FUT9: variants seen among roughly 807,000 people sequenced by gnomAD.
FUT9 encodes the protein fucosyltransferase 9, also known as 4-galactosyl-N-acetylglucosaminide 3-alpha-L-fucosyltransferase 9.
A neutral mutation model predicts 29.7 loss-of-function variants in FUT9; 15 were observed. That is an observed-to-expected ratio of 0.51 (90% CI 0.34 to 0.78). FUT9 has a LOEUF of 0.78. Ranked by LOEUF, FUT9 falls within the 30% of genes least tolerant of loss-of-function variation. FUT9 has a pLI of 0.01. For synonymous variants in FUT9, 169 were observed against 153.7 expected (o/e 1.10, Z -0.74); for missense variants, 319 against 425.4 (o/e 0.75, Z 2.20).
chr6:96,081,270 C>T (rs1771233079), intron 1 of FUT9, among the ~76,000 whole-genome samples: 2 of 150,566 alleles, frequency 1.3e-5, no homozygotes, highest in African/African-American at 2.5e-5. Context: ...CAATGATTCA[C>T]ATGTTCTTCA....
At chr6:96,060,808 G>A (rs1164941995) in intron 1 of FUT9, among the ~76,000 whole-genome samples, 1 of 152,150 alleles carries the variant, frequency 6.6e-6, no homozygotes, top group Non-Finnish European at 1.5e-5. Context: ...AAAGTGCTGG[G>A]ATTACAGGCG....
At chr6:96,104,115 A>G (rs1771636096) in intron 1 of FUT9, among the ~76,000 whole-genome samples, 1 of 152,202 alleles carries the variant, frequency 6.6e-6, no homozygotes, top group Non-Finnish European at 1.5e-5. Flanking sequence ...AAATGTACTG[A>G]ATAATGTACA....
rs531475921 is a variant in FUT9 at position 96,142,832 on chromosome 6, T to G, written c.-9+28705T>G. 2.6e-5 allele frequency among the ~76,000 whole-genome samples: 4 copies of G among 152,220 alleles called. No homozygotes were observed. In the South Asian group the frequency reaches 6.2e-4, roughly 24 times the overall value. ...GCATTTTATGCTAATATAGGTTTCT[T>G]ATTTTTTTAACCCAAGAAAGAGCAT... On this transcript the variant is annotated intron_variant, in intron 2 of 2. Coordinates refer to ENST00000302103, the MANE Select transcript of FUT9 (RefSeq NM_006581.4).
intron 2 of FUT9, among the ~76,000 whole-genome samples, chr6:96,197,556 G>A (rs961281468): frequency 2.0e-5 from 3 of 152,082 alleles, no homozygotes; most frequent in African/African-American, 7.2e-5. Context: ...CTAAAGTTCT[G>A]TTCAAATGGT....
chr6:96,110,678 T>C, intron 1 of FUT9, among the ~76,000 whole-genome samples: 1 of 150,674 alleles, frequency 6.6e-6, no homozygotes, highest in Non-Finnish European at 1.5e-5. Context: ...CTATTGTGCA[T>C]TTTTTAAGGG....
chr6:96,088,086 C>T (rs1241818000), intron 1 of FUT9, among the ~76,000 whole-genome samples: 1 of 151,940 alleles, frequency 6.6e-6, no homozygotes, highest in Non-Finnish European at 1.5e-5. Flanking sequence ...TCTTTATTTC[C>T]TATATTACAT....
chr6:96,103,733 C>T (rs1459142179), intron 1 of FUT9, among the ~76,000 whole-genome samples: 1 of 152,096 alleles, frequency 6.6e-6, no homozygotes, highest in Non-Finnish European at 1.5e-5. Context: ...CTAACCCTGT[C>T]CAGTGTGATT....
intron 2 of FUT9, among the ~76,000 whole-genome samples, chr6:96,192,137 T>C (rs1484566181): frequency 2.0e-5 from 3 of 152,060 alleles, no homozygotes; most frequent in Non-Finnish European, 4.4e-5. Flanking sequence ...CTTTGAAAAC[T>C]GGCACAAGAC....
At chr6:96,032,944 C>T (rs1346336054) in intron 1 of FUT9, among the ~76,000 whole-genome samples, 1 of 151,538 alleles carries the variant, frequency 6.6e-6, no homozygotes, top group Non-Finnish European at 1.5e-5. Flanking sequence ...AAACTTCAGG[C>T]CAGATTTGCA....
At chr6:96,121,347 C>A (rs1772023707) in intron 2 of FUT9, among the ~76,000 whole-genome samples, 1 of 152,094 alleles carries the variant, frequency 6.6e-6, no homozygotes, top group African/African-American at 2.4e-5. Context: ...TCAAGAAAAT[C>A]TGAATTTATT....
At chr6:96,044,373 C>T (rs1770522128) in intron 1 of FUT9, among the ~76,000 whole-genome samples, 1 of 152,186 alleles carries the variant, frequency 6.6e-6, no homozygotes, top group South Asian at 2.1e-4. Flanking sequence ...AACCCATTTG[C>T]ATTTACAATT....
intron 1 of FUT9, among the ~76,000 whole-genome samples, chr6:96,059,979 T>C (rs1233108419): frequency 1.3e-5 from 2 of 152,196 alleles, no homozygotes; most frequent in African/African-American, 4.8e-5. Flanking sequence ...TAATCACATG[T>C]TGAATGGGAT....
At chr6:96,106,995 G>T (rs1447134337) in intron 1 of FUT9, among the ~76,000 whole-genome samples, 1 of 152,216 alleles carries the variant, frequency 6.6e-6, no homozygotes, top group Admixed American at 6.5e-5. Flanking sequence ...GAGTGAAGCT[G>T]ATGCAACATA....
At chr6:96,090,885 A>C (rs1006468103) in intron 1 of FUT9, among the ~76,000 whole-genome samples, 3 of 152,058 alleles carry the variant, frequency 2.0e-5, no homozygotes, top group Admixed American at 1.3e-4. Context: ...AGGATTACAC[A>C]AACAAAGGGA....
At chr6:96,090,109 T>A (rs530295053) in intron 1 of FUT9, among the ~76,000 whole-genome samples, 30 of 152,148 alleles carry the variant, frequency 2.0e-4, no homozygotes, top group African/African-American at 7.2e-4. Context: ...ACATATAGAG[T>A]GCTTACGGCC....
intron 2 of FUT9, among the ~76,000 whole-genome samples, chr6:96,176,035 A>G (rs752421251): frequency 3.9e-5 from 6 of 152,234 alleles, no homozygotes; most frequent in Non-Finnish European, 8.8e-5. Context: ...GAGCTGAGAC[A>G]TTCAGCTTCT....
At chr6:96,190,685 C>G (rs1773489882) in intron 2 of FUT9, among the ~76,000 whole-genome samples, 1 of 152,192 alleles carries the variant, frequency 6.6e-6, no homozygotes, top group African/African-American at 2.4e-5. Flanking sequence ...ACCCTTTCTT[C>G]CAGTTGATCA....
intron 2 of FUT9, among the ~76,000 whole-genome samples, chr6:96,125,246 A>G (rs1466751960): frequency 6.6e-6 from 1 of 152,208 alleles, no homozygotes; most frequent in Non-Finnish European, 1.5e-5. Flanking sequence ...ATCTCTTACT[A>G]TGTTGACTGT....
Position 96,213,614 on chromosome 6 carries a change from C to T in FUT9, c.*9379C>T. On this transcript the variant is annotated 3_prime_UTR_variant, in exon 3 of 3. Coordinates refer to ENST00000302103, the MANE Select transcript of FUT9 (RefSeq NM_006581.4). The stretch of plus-strand genomic sequence containing the variant: ...GCATTGTGCTAATAGTTGTTTATTG[C>T]TATTAACTTTCTGTGTATGTATTAT... 12 of 166,786 alleles carry T rather than the reference C, an allele frequency of 7.2e-5. No individual in the cohort carries two copies. 10.3% of individuals were successfully genotyped at this position (166,786 alleles called of 1,614,324 possible). A position where few individuals can be genotyped will look rare whatever the true frequency, so the allele number is the denominator to read the frequency against.
Sources: allele counts gnomAD v4.1 joint callset (sites outside exome capture counted in the v4.1 genomes callset), GRCh38; gene constraint gnomAD v4.1.1; transcripts MANE v1.5; gene names NCBI Gene and HGNC (gene_info 2026-07-23, HGNC 2026-07-21).